TTC3: variants seen among roughly 807,000 people sequenced by gnomAD.
TTC3 encodes the protein tetratricopeptide repeat domain 3.
Under a neutral mutation model 249.6 loss-of-function variants are expected in TTC3, and 180 were observed. That is an observed-to-expected ratio of 0.72 (90% CI 0.64 to 0.82). The LOEUF (loss-of-function observed/expected upper bound fraction) is 0.82. TTC3 is among the 40% of genes least tolerant of loss of function. The pLI, the probability that TTC3 is intolerant of heterozygous loss-of-function variation, is 0.00. For missense variants in TTC3, 2,061 were observed against 2,398.4 expected, an observed-to-expected ratio of 0.86 and a Z score of 2.94; for synonymous variants, 717 against 805.0, an observed-to-expected ratio of 0.89 and a Z score of 1.85.
In TTC3 at chr21:37,126,040, TG is replaced by T. The variant is rs367635752; in HGVS notation, c.1234-39del. Reference sequence around the variant, plus strand: ...GCTATTGAATTCTTCATGGCTGGGTTGTTTTTTTTTTTTTTAAGTCTCACTA... The same window carrying T: ...GCTATTGAATTCTTCATGGCTGGGTTTTTTTTTTTTTTTTAAGTCTCACTA... On this transcript the variant is annotated intron_variant, in intron 14 of 45. Coordinates refer to ENST00000355666, the Ensembl canonical transcript of TTC3. 7.4e-3 allele frequency: 10,737 copies of T among 1,451,352 alleles called. 437 individuals carry two copies. In the African/African-American group the frequency reaches 0.13, roughly 18 times the overall value. The allele number at this position is 1,451,352 out of a possible 1,614,324, so 89.9% of individuals were successfully genotyped here.
Position 37,087,861 on chromosome 21 carries a change from G to A in TTC3, c.173G>A (p.Ser58Asn), listed in dbSNP as rs761510776. ...GTGCAATATAAAGATTATATCCAAA[G>A]TGAGAGGAATTTGGGTGAGTACGTT... Residue 58 changes from serine to asparagine, a missense_variant, in exon 3 of 46, where the codon AGT becomes AAT. Transcript: ENST00000355666. The A allele has an allele frequency of 7.1e-5, 114 of 1,598,346 alleles. 1 individual carries two copies. The East Asian group carries it at 2.3e-3, about 33-fold the overall frequency.
intron 12 of TTC3, among the ~76,000 whole-genome samples, chr21:37,122,415 ATATAATATATATATATATATAT>A (rs1056855910): frequency 1.3e-5 from 1 of 74,206 alleles, no homozygotes; most frequent in African/African-American, 5.7e-5. Flanking sequence ...ATATATATAT[ATATAATATATATATATATATAT>A]TATATATATA....
chr21:37,177,615 A>G (rs1221112596), intron 35 of TTC3, among the ~76,000 whole-genome samples: 4 of 152,020 alleles, frequency 2.6e-5, no homozygotes, highest in East Asian at 3.9e-4. Flanking sequence ...CTCACTTCCA[A>G]ACCTTTTCCC....
chr21:37,187,242 G>A (rs1178589283), intron 38 of TTC3, 97 bp downstream of exon 38: 2 of 893,184 alleles, frequency 2.2e-6, no homozygotes, highest in Middle Eastern at 2.1e-4. Flanking sequence ...ACTGAAAAGT[G>A]TGGTGCATAA....
intron 20 of TTC3, among the ~76,000 whole-genome samples, chr21:37,143,361 A>G (rs1210866427): frequency 6.6e-6 from 1 of 152,178 alleles, no homozygotes; most frequent in African/African-American, 2.4e-5. Context: ...ACGAAGGGCT[A>G]ATATCCAGAA....
intron 44 of TTC3, among the ~76,000 whole-genome samples, chr21:37,198,555 C>A (rs1027429157): frequency 6.6e-6 from 1 of 152,154 alleles, no homozygotes; most frequent in Non-Finnish European, 1.5e-5. Flanking sequence ...AGCTGACTTA[C>A]TGAAACTTCA....
intron 38 of TTC3, 144 bp downstream of exon 38, chr21:37,187,289 A>G: frequency 1.6e-6 from 1 of 611,298 alleles, no homozygotes; most frequent in South Asian, 2.3e-5. Flanking sequence ...CCTCCCTAAA[A>G]CGACCACTCT....
chr21:37,078,672 A>T (rs997872606), intron 1 of TTC3, among the ~76,000 whole-genome samples: 2 of 152,244 alleles, frequency 1.3e-5, no homozygotes, highest in East Asian at 3.9e-4. Flanking sequence ...CACTTGATAA[A>T]CTTACTACTT....
intron 39 of TTC3, among the ~76,000 whole-genome samples, chr21:37,189,736 A>G (rs961249532): frequency 2.0e-5 from 3 of 149,454 alleles, no homozygotes; most frequent in African/African-American, 4.9e-5. Flanking sequence ...TTTAGTAGAG[A>G]TGAATTTCAC....
intron 35 of TTC3, among the ~76,000 whole-genome samples, chr21:37,181,091 C>T (rs2082719424): frequency 6.6e-6 from 1 of 152,158 alleles, no homozygotes. Context: ...CAGAAACAAG[C>T]TCGTGATAGC....
intron 1 of TTC3, among the ~76,000 whole-genome samples, chr21:37,075,042 G>A (rs2070641365): frequency 6.6e-6 from 1 of 151,744 alleles, no homozygotes; most frequent in Admixed American, 6.6e-5. Flanking sequence ...CTGCGTTGAG[G>A]TTTGTGTATA....
chr21:37,165,798 C>T (rs1348996892), exon 33 of TTC3: 1 of 1,613,928 alleles, frequency 6.2e-7, no homozygotes, highest in Non-Finnish European at 8.5e-7. Flanking sequence ...GAAGAAATTT[C>T]AAAAGCAGGG....
At chr21:37,098,083 A>G in intron 10 of TTC3, 1 of 585,862 alleles carries the variant, frequency 1.7e-6, no homozygotes, top group African/African-American at 1.9e-5. Context: ...AGAGGAATGG[A>G]TGGGCTTGAC....
chr21:37,125,363 T>C (rs1449022441), intron 14 of TTC3, among the ~76,000 whole-genome samples: 1 of 152,230 alleles, frequency 6.6e-6, no homozygotes, highest in Admixed American at 6.5e-5. Flanking sequence ...ACATTTTTCT[T>C]AACCACTCCA....
At position 37,122,978 on chromosome 21, in the gene TTC3, T is replaced by C. The variant is rs1392117597; in HGVS notation, c.1064-5T>C. 1 of 1,613,916 alleles carries C rather than the reference T, an allele frequency of 6.2e-7. No homozygotes were observed. The highest frequency in any genetic ancestry group is 2.2e-5 in the East Asian group (1 of 44,878). On this transcript the variant is annotated splice_polypyrimidine_tract_variant and splice_region_variant and intron_variant, in intron 12 of 45. Coordinates refer to ENST00000355666, the Ensembl canonical transcript of TTC3. ...ATGTGTGTGTGTGTGTGATGACTTT[T>C]ATAGGTCGAACAGCAAATAAGGATC... is the stretch of plus-strand genomic sequence containing the variant.
At chr21:37,172,639 C>T (rs1257280612) in exon 35 of TTC3, 4 of 1,613,778 alleles carry the variant, frequency 2.5e-6, no homozygotes, top group Non-Finnish European at 3.4e-6. Flanking sequence ...TATTACAAGA[C>T]CAACTTCAAG....
intron 11 of TTC3, among the ~76,000 whole-genome samples, chr21:37,112,978 A>G (rs1256768651): frequency 2.0e-5 from 3 of 152,276 alleles, no homozygotes; most frequent in Admixed American, 6.5e-5. Context: ...AAGTCCTTTG[A>G]CAAAATTCAA....
chr21:37,155,194 T>TA (rs11370363), intron 27 of TTC3, among the ~76,000 whole-genome samples: 152,313 of 152,314 alleles, frequency 1, 76,156 homozygotes, highest in Middle Eastern at 1. Flanking sequence ...CCTGGAATTT[T>TA]CTTCAATAAA....
chr21:37,093,496 A>G (rs1356099097), intron 7 of TTC3: 1 of 152,228 alleles, frequency 6.6e-6, no homozygotes, highest in African/African-American at 2.4e-5. Context: ...TCCAAAATCC[A>G]AAACACTTCT....
Sources: gnomAD v4.1 joint callset for allele counts (sites outside exome capture counted in the v4.1 genomes callset) on GRCh38, gnomAD v4.1.1 for gene constraint, MANE v1.5 for transcripts, NCBI Gene and HGNC (gene_info 2026-07-23, HGNC 2026-07-21) for gene names.